Variants in TMEM196 observed in about 807,000 individuals in gnomAD.
TMEM196 encodes transmembrane protein 196.
Under a neutral mutation model 20.0 loss-of-function variants are expected in TMEM196, and 17 were observed. That is an observed-to-expected ratio of 0.85 (90% CI 0.58 to 1.27). TMEM196 has a LOEUF of 1.27. Among genes scored for constraint, TMEM196 ranks in the 50% most tolerant of loss-of-function variants. The pLI is 0.00. For missense variants in TMEM196, 267 were observed against 223.0 expected (o/e 1.20, Z -1.26); for synonymous variants, 113 against 88.9 (o/e 1.27, Z -1.52).
chr7:19,746,497 C>G (rs1056290749), intron 1 of TMEM196, among the ~76,000 whole-genome samples: 2 of 152,184 alleles, frequency 1.3e-5, no homozygotes, highest in African/African-American at 4.8e-5. Context: ...TGTAATTCAT[C>G]TTTGATAAAA....
Position 19,724,761 on chromosome 7 carries a change from T to C in TMEM196, c.460-408A>G, listed in dbSNP as rs1159032432. 2.6e-5 allele frequency among the ~76,000 whole-genome samples: 4 copies of C among 152,198 alleles called. No homozygotes were observed. In the East Asian group the frequency reaches 7.7e-4, roughly 29 times the overall value. On this transcript the variant is annotated intron_variant, in intron 3 of 4. Coordinates refer to ENST00000405844, the MANE Select transcript of TMEM196 (RefSeq NM_001363562.2). ...TATTTCCATGATATGAAGCAAAATA[T>C]AATGTGGCCATTACCTTAGTGAGTT...
At chr7:19,722,594 T>A (rs1783849670) in intron 4 of TMEM196, among the ~76,000 whole-genome samples, 1 of 152,150 alleles carries the variant, frequency 6.6e-6, no homozygotes. Flanking sequence ...GAGGGCATCA[T>A]TGCTCATTTG....
At chr7:19,755,335 C>A (rs1785164947) in intron 1 of TMEM196, among the ~76,000 whole-genome samples, 1 of 152,136 alleles carries the variant, frequency 6.6e-6, no homozygotes, top group African/African-American at 2.4e-5. Context: ...AAACCTTTAT[C>A]ACTAACATGA....
chr7:19,736,655 C>A (rs1357085490), intron 1 of TMEM196, among the ~76,000 whole-genome samples: 3 of 151,536 alleles, frequency 2.0e-5, no homozygotes, highest in African/African-American at 4.8e-5. Context: ...TACCAATAGA[C>A]CTATTCATTT....
intron 2 of TMEM196, among the ~76,000 whole-genome samples, chr7:19,727,719 A>C (rs1292101903): frequency 6.6e-6 from 1 of 152,182 alleles, no homozygotes; most frequent in African/African-American, 2.4e-5. Context: ...AAAGCAGACA[A>C]TACCTTTAGT....
chr7:19,769,196 A>T (rs895042037), intron 1 of TMEM196, among the ~76,000 whole-genome samples: 3 of 152,140 alleles, frequency 2.0e-5, no homozygotes, highest in Non-Finnish European at 4.4e-5. Context: ...GTAAAATCTT[A>T]TTTGGCATTT....
intron 2 of TMEM196, among the ~76,000 whole-genome samples, chr7:19,728,750 G>A (rs1335141147): frequency 6.6e-6 from 1 of 152,060 alleles, no homozygotes; most frequent in African/African-American, 2.4e-5. Context: ...AAGGCGATGG[G>A]GAATCCACAC....
chr7:19,750,307 G>T (rs1265870358), intron 1 of TMEM196, among the ~76,000 whole-genome samples: 1 of 152,198 alleles, frequency 6.6e-6, no homozygotes, highest in Middle Eastern at 3.4e-3. Flanking sequence ...CACAATGTAA[G>T]CATATATCAA....
chr7:19,747,123 C>G lies in TMEM196; in HGVS notation c.148-17685G>C, dbSNP rs937593302. Among the ~76,000 whole-genome samples the G allele has an allele frequency of 5.3e-5, 8 of 150,750 alleles. No individual in the cohort carries two copies. In the East Asian group the frequency reaches 1.6e-3, roughly 30 times the overall value. ...ACAAAAAATTAGCCGGGCGTAGTGG[C>G]GGGCGCCTGTAGTCCCAGCTACTTG... On this transcript the variant is annotated intron_variant, in intron 1 of 4. Coordinates refer to ENST00000405844, the MANE Select transcript of TMEM196 (RefSeq NM_001363562.2).
intron 1 of TMEM196, among the ~76,000 whole-genome samples, chr7:19,733,453 T>G (rs1478072292): frequency 6.6e-6 from 1 of 152,192 alleles, no homozygotes; most frequent in Non-Finnish European, 1.5e-5. Context: ...TGTCACCTGT[T>G]GCAGAGTAAG....
chr7:19,729,018 T>C (rs1285069754), intron 2 of TMEM196, among the ~76,000 whole-genome samples: 1 of 152,218 alleles, frequency 6.6e-6, no homozygotes, highest in East Asian at 1.9e-4. Context: ...TTTAAATGGT[T>C]ACATTTCTCA....
At chr7:19,759,075 A>G (rs1388005207) in intron 1 of TMEM196, among the ~76,000 whole-genome samples, 1 of 152,170 alleles carries the variant, frequency 6.6e-6, no homozygotes, top group Non-Finnish European at 1.5e-5. Context: ...CTAAAAACAG[A>G]AAACTTCCTT....
intron 1 of TMEM196, among the ~76,000 whole-genome samples, chr7:19,750,724 C>A (rs546322559): frequency 6.6e-6 from 1 of 152,238 alleles, no homozygotes; most frequent in East Asian, 1.9e-4. Context: ...CAGTTCTATC[C>A]TTTTACAGAA....
chr7:19,754,872 A>G (rs1196304818), intron 1 of TMEM196, among the ~76,000 whole-genome samples: 2 of 151,984 alleles, frequency 1.3e-5, no homozygotes, highest in Non-Finnish European at 2.9e-5. Flanking sequence ...ATTTTTTCCC[A>G]CTCATTTTTA....
chr7:19,758,030 A>T (rs1785286406), intron 1 of TMEM196, among the ~76,000 whole-genome samples: 1 of 151,452 alleles, frequency 6.6e-6, no homozygotes, highest in Admixed American at 6.6e-5. Context: ...TTTAATTCAT[A>T]TATATTTGAA....
intron 1 of TMEM196, among the ~76,000 whole-genome samples, chr7:19,755,493 C>T (rs1785173411): frequency 1.3e-5 from 2 of 152,022 alleles, no homozygotes; most frequent in Admixed American, 6.6e-5. Flanking sequence ...TACTTGAAAT[C>T]CCACTAATAA....
At chr7:19,763,845 A>G (rs184098998) in intron 1 of TMEM196, among the ~76,000 whole-genome samples, 22 of 152,274 alleles carry the variant, frequency 1.4e-4, no homozygotes, top group Middle Eastern at 3.4e-3. Flanking sequence ...GAACAACTCC[A>G]TGAGATAAGT....
At chr7:19,740,218 C>T (rs1290528098) in intron 1 of TMEM196, among the ~76,000 whole-genome samples, 2 of 152,070 alleles carry the variant, frequency 1.3e-5, no homozygotes, top group African/African-American at 4.8e-5. Context: ...TTCTCCAACA[C>T]ATATAGTTAA....
chr7:19,759,123 C>T (rs1785330637), intron 1 of TMEM196, among the ~76,000 whole-genome samples: 1 of 152,120 alleles, frequency 6.6e-6, no homozygotes, highest in African/African-American at 2.4e-5. Flanking sequence ...ACACGGAACC[C>T]ATCTCCCTTC....
Sources: allele counts gnomAD v4.1 joint callset (sites outside exome capture counted in the v4.1 genomes callset), GRCh38; gene constraint gnomAD v4.1.1; transcripts MANE v1.5; gene names NCBI Gene and HGNC (gene_info 2026-07-23, HGNC 2026-07-21).